The following IKBKB-DT variants were observed in gnomAD, a reference collection of about 807,000 sequenced individuals.
The protein encoded by IKBKB-DT is IKBKB antisense RNA.
intron 1 of IKBKB-DT, among the ~76,000 whole-genome samples, chr8:42,267,194 C>T (rs998163113): frequency 4.0e-5 from 6 of 151,746 alleles, no homozygotes; most frequent in Middle Eastern, 3.4e-3. Context: ...TTAGTAGAGA[C>T]GGGGTTTCAC....
chr8:42,242,519 G>A (rs180954026), intron 3 of IKBKB-DT, among the ~76,000 whole-genome samples: 24 of 152,310 alleles, frequency 1.6e-4, no homozygotes, highest in Non-Finnish European at 3.1e-4. Flanking sequence ...TTCTATATAT[G>A]TGGTTGGTAT....
intron 3 of IKBKB-DT, among the ~76,000 whole-genome samples, chr8:42,257,085 C>T (rs746922190): frequency 2.6e-4 from 40 of 152,206 alleles, no homozygotes; most frequent in Non-Finnish European, 4.7e-4. Context: ...TAACTTCATG[C>T]AATTTCTGGA....
chr8:42,268,834 T>C (rs1807418175), intron 1 of IKBKB-DT, among the ~76,000 whole-genome samples: 1 of 152,180 alleles, frequency 6.6e-6, no homozygotes, highest in Non-Finnish European at 1.5e-5. Context: ...CCCAAAGTGC[T>C]GGGATTACAG....
rs1326485245 is a variant in IKBKB-DT at position 42,248,869 on chromosome 8, CA to C, written n.1529+14459del. Reference sequence around the variant, plus strand: ...TCCAGCCTGGCAACAGAGGCTCTACCAAAAAAAAAAAAAAAAACAAATATCC... The same window carrying C: ...TCCAGCCTGGCAACAGAGGCTCTACCAAAAAAAAAAAAAAAACAAATATCC... On this transcript the variant is annotated intron_variant and non_coding_transcript_variant, in intron 3 of 3. Transcript: ENST00000518213. Among the ~76,000 whole-genome samples the C allele has an allele frequency of 9.4e-3, 641 of 67,968 alleles. 1 individual carries two copies. Among genetic ancestry groups the C allele is most frequent in the Middle Eastern group, 0.05 (6 of 120 alleles). 44.6% of individuals were successfully genotyped at this position (67,968 alleles called of 152,430 possible). A position where few individuals can be genotyped will look rare whatever the true frequency, so the allele number is the denominator to read the frequency against.
chr8:42,252,367 C>G (rs1466555599), intron 3 of IKBKB-DT, among the ~76,000 whole-genome samples: 1 of 152,186 alleles, frequency 6.6e-6, no homozygotes, highest in Non-Finnish European at 1.5e-5. Context: ...GACAGCTATT[C>G]TCTTTCTTTT....
intron 3 of IKBKB-DT, among the ~76,000 whole-genome samples, chr8:42,250,602 T>C (rs1012023805): frequency 6.6e-6 from 1 of 152,104 alleles, no homozygotes; most frequent in Non-Finnish European, 1.5e-5. Flanking sequence ...CCAGGAATAA[T>C]TAAGGGCAGC....
At chr8:42,263,153 A>G (rs1269197540) in intron 3 of IKBKB-DT, among the ~76,000 whole-genome samples, 1 of 151,992 alleles carries the variant, frequency 6.6e-6, no homozygotes, top group Non-Finnish European at 1.5e-5. Context: ...CTGGGATTAC[A>G]GGTGTGAGTC....
intron 3 of IKBKB-DT, among the ~76,000 whole-genome samples, chr8:42,253,121 T>C (rs896257162): frequency 6.6e-6 from 1 of 152,204 alleles, no homozygotes; most frequent in African/African-American, 2.4e-5. Context: ...ATCTATTGTC[T>C]CTAAGGGCAG....
Position 42,244,363 on chromosome 8 carries a change from G to A in IKBKB-DT, n.1530-10504C>T, listed in dbSNP as rs187822405. ...GTTTCCCCTTTAGAAAATAAGGGAG[G>A]GGGCTTCCCGGGCAGTTCCAGCACT... On this transcript the variant is annotated intron_variant and non_coding_transcript_variant, in intron 3 of 3. Transcript: ENST00000518213. Among the ~76,000 whole-genome samples the A allele has an allele frequency of 1.3e-4, 20 of 152,278 alleles. No individual in the cohort carries two copies. In the East Asian group the frequency reaches 3.7e-3, roughly 28 times the overall value.
chr8:42,243,545 A>T (rs1426665801), intron 3 of IKBKB-DT, among the ~76,000 whole-genome samples: 1 of 152,242 alleles, frequency 6.6e-6, no homozygotes, highest in Non-Finnish European at 1.5e-5. Flanking sequence ...GATTAATCAT[A>T]ATCTCAACTA....
chr8:42,265,907 C>G (rs1342036234), exon 2 of IKBKB-DT, among the ~76,000 whole-genome samples: 2 of 152,148 alleles, frequency 1.3e-5, no homozygotes, highest in Non-Finnish European at 2.9e-5. Context: ...TGGCCCAGGT[C>G]CAGTCACAGA....
chr8:42,264,953 C>T (rs1032401196), intron 2 of IKBKB-DT, among the ~76,000 whole-genome samples: 1 of 151,830 alleles, frequency 6.6e-6, no homozygotes, highest in Admixed American at 6.6e-5. Context: ...ACCTCTGCCT[C>T]CTGGGTTAAA....
At chr8:42,268,564 C>T (rs1215629573) in intron 1 of IKBKB-DT, among the ~76,000 whole-genome samples, 1 of 151,782 alleles carries the variant, frequency 6.6e-6, no homozygotes, top group East Asian at 1.9e-4. Flanking sequence ...AGCCACCACA[C>T]CCGGCCAAAT....
chr8:42,271,216 A>T (rs538509222), exon 1 of IKBKB-DT: 6 of 623,942 alleles, frequency 9.6e-6, no homozygotes, highest in Non-Finnish European at 1.7e-5. Flanking sequence ...GGGTCCCGGG[A>T]CAGGCGCAGC....
chr8:42,268,379 C>A (rs1807405213), intron 1 of IKBKB-DT, among the ~76,000 whole-genome samples: 1 of 151,894 alleles, frequency 6.6e-6, no homozygotes, highest in Admixed American at 6.6e-5. Context: ...TCGTGATCTG[C>A]CCGCCTTGGC....
At chr8:42,255,796 C>CG (rs1807191578) in intron 3 of IKBKB-DT, among the ~76,000 whole-genome samples, 1 of 151,912 alleles carries the variant, frequency 6.6e-6, no homozygotes, top group Admixed American at 6.6e-5. Context: ...GAGGCCGAGG[C>CG]GGGTGGATCA....
rs113149035 is a variant in IKBKB-DT at position 42,251,839 on chromosome 8, A to AG, written n.1529+11489_1529+11490insC. 2.9e-3 allele frequency among the ~76,000 whole-genome samples: 438 copies of AG among 151,420 alleles called. 5 individuals are homozygous for AG. The highest frequency in any genetic ancestry group is 0.024 in the Middle Eastern group (7 of 294). On this transcript the variant is annotated intron_variant and non_coding_transcript_variant, in intron 3 of 3. Coordinates refer to ENST00000518213, the Ensembl canonical transcript of IKBKB-DT. The stretch of plus-strand genomic sequence containing the variant: ...GCAAGACTCCATCTCAAAAAAAAAA[A>AG]AAAAGAAAAGAAAAGAAAAGTAACA...
At chr8:42,269,462 A>AGGGGGAGGGGGGG (rs1563280938) in intron 1 of IKBKB-DT, among the ~76,000 whole-genome samples, 1 of 20,892 alleles carries the variant, frequency 4.8e-5, no homozygotes, top group Non-Finnish European at 8.7e-5. Flanking sequence ...AGGGGAGGGG[A>AGGGGGAGGGGGGG]GGGGAGGGGA....
intron 3 of IKBKB-DT, among the ~76,000 whole-genome samples, chr8:42,237,564 C>T (rs1461360502): frequency 2.0e-5 from 3 of 151,912 alleles, no homozygotes; most frequent in Admixed American, 6.6e-5. Flanking sequence ...TTGATGTGGG[C>T]CTTAGGATCT....
Sources: allele counts gnomAD v4.1 joint callset (sites outside exome capture counted in the v4.1 genomes callset), GRCh38; gene constraint gnomAD v4.1.1; transcripts MANE v1.5; gene names NCBI Gene and HGNC (gene_info 2026-07-23, HGNC 2026-07-21).